The following ATAD3C variants were observed in gnomAD, a reference collection of about 807,000 sequenced individuals.
ATAD3C encodes ATPase family AAA domain-containing protein 3C.
A neutral mutation model predicts 46.3 loss-of-function variants in ATAD3C; 38 were observed. That is an observed-to-expected ratio of 0.82 (90% CI 0.63 to 1.08). The LOEUF (loss-of-function observed/expected upper bound fraction) is 1.08. Ranked by LOEUF, ATAD3C falls within the 50% of genes least tolerant of loss-of-function variation. ATAD3C has a pLI of 0.00. For missense variants in ATAD3C, 563 were observed against 572.7 expected, an observed-to-expected ratio of 0.98 and a Z score of 0.17; for synonymous variants, 220 against 236.4, an observed-to-expected ratio of 0.93 and a Z score of 0.63.
chr1:1,467,296 C>T (rs369639348), intron 11 of ATAD3C, among the ~76,000 whole-genome samples: 1 of 152,224 alleles, frequency 6.6e-6, no homozygotes. Flanking sequence ...AGGGTCCCTG[C>T]ACCTGTTTGC....
chr1:1,469,965 G>C lies in ATAD3C; in HGVS notation c.*1435G>C, dbSNP rs1300031141. ...TGCAATCTCCCCCACCCTTAAGAAG[G>C]TTCTTTGTCATTCTCCCCACCCTTG... On this transcript the variant is annotated 3_prime_UTR_variant, in exon 12 of 12. Transcript: ENST00000378785. 6.6e-6 allele frequency: 1 copy of C among 151,802 alleles called. No homozygotes were observed. Among genetic ancestry groups the C allele is most frequent in the Non-Finnish European group, 1.5e-5 (1 of 67,928 alleles). The allele number at this position is 151,802 out of a possible 1,614,324, so 9.4% of individuals were successfully genotyped here. A position where few individuals can be genotyped will look rare whatever the true frequency, so the allele number is the denominator to read the frequency against.
intron 3 of ATAD3C, among the ~76,000 whole-genome samples, chr1:1,453,938 G>A (rs530698944): frequency 2.0e-5 from 3 of 152,140 alleles, no homozygotes; most frequent in East Asian, 3.9e-4. Flanking sequence ...ACTGTGCCCA[G>A]CCGGCCTAAT....
chr1:1,461,040 C>T (rs764134949), intron 10 of ATAD3C, 123 bp downstream of exon 10: 14 of 1,268,510 alleles, frequency 1.1e-5, no homozygotes, highest in African/African-American at 9.2e-5. Flanking sequence ...CCCTGCCCTG[C>T]GGTTTCGTGC....
intron 10 of ATAD3C, among the ~76,000 whole-genome samples, chr1:1,461,290 C>T (rs907669423): frequency 5.9e-5 from 9 of 152,126 alleles, no homozygotes; most frequent in Admixed American, 5.2e-4. Flanking sequence ...TGGATTCACG[C>T]GATTCTCCTG....
At chr1:1,457,223 G>A (rs1248505632) in intron 8 of ATAD3C, 43 bp downstream of exon 8, 2 of 1,612,438 alleles carry the variant, frequency 1.2e-6, no homozygotes, top group African/African-American at 1.3e-5. Context: ...GAGGGTGGTG[G>A]GGTGTGTGCG....
intron 1 of ATAD3C, among the ~76,000 whole-genome samples, chr1:1,451,833 G>T (rs3899060): frequency 8.9e-4 from 135 of 152,104 alleles, no homozygotes; most frequent in African/African-American, 3.0e-3. Flanking sequence ...TGTTTCTGCC[G>T]CTGGGGAGTT....
At chr1:1,451,758 A>C (rs1638862929) in intron 1 of ATAD3C, among the ~76,000 whole-genome samples, 1 of 152,036 alleles carries the variant, frequency 6.6e-6, no homozygotes, top group African/African-American at 2.4e-5. Flanking sequence ...CCCAGCCTGA[A>C]TCAGGGCAGT....
In ATAD3C at chr1:1,455,895, C is replaced by G. The variant is rs549192663; in HGVS notation, c.543C>G (p.Thr181=). The change falls in exon 6 of 12, where the codon ACC becomes ACG. Residue 181 remains threonine (T), a synonymous_variant. Transcript: ENST00000378785. Reference sequence around the variant, plus strand: ...TCCTGCTGTACGGGCCACCAGGCACCGGGAAGACGCTGTTTGCCAAGGTGA... The same window carrying G: ...TCCTGCTGTACGGGCCACCAGGCACGGGGAAGACGCTGTTTGCCAAGGTGA... The part of the protein sequence containing the change: ...RHILLYGPPG[T]GKTLFAKKLA... 9.3e-6 allele frequency: 15 copies of G among 1,613,254 alleles called. No homozygotes were observed. The Admixed American group carries it at 2.5e-4, about 27-fold the overall frequency.
chr1:1,468,314 G>A lies in ATAD3C; in HGVS notation c.1090-70G>A. On this transcript the variant is annotated intron_variant, in intron 11 of 11. Coordinates refer to ENST00000378785, the MANE Select transcript of ATAD3C (RefSeq NM_001039211.3). ...CCTGGTTTGGTCCCTCCCCACCTCA[G>A]GGCCCTGGCGTGCATTTGGGGTGGG... The A allele has an allele frequency of 2.6e-6, 4 of 1,542,812 alleles. No homozygotes were observed. The South Asian group carries it at 4.9e-5, about 19-fold the overall frequency.
Position 1,462,691 on chromosome 1 carries a change from C to G in ATAD3C, c.1072C>G (p.Leu358Val), listed in dbSNP as rs1639089027. Residue 358 changes from leucine to valine, a missense_variant, in exon 11 of 12, where the codon CTG becomes GTG. Leu to Val is a conservative substitution (Grantham distance 32). Around this residue, in one of 3 missense-constraint regions of ATAD3C, gnomAD observed 273 missense variants for 253.5 expected, o/e 1.08. Transcript: ENST00000378785. The surrounding 1 kb of genome is among the most constrained non-coding windows in gnomAD (Gnocchi z 4.5). ...EGMSCRKIAQ[L>V]AVSWQATAYA... ...CATGTCATGCCGGAAGATCGCACAG[C>G]TGGCCGTGTCCTGGCAGGTGAGTCA... is the stretch of plus-strand genomic sequence containing the variant. 5.6e-6 allele frequency: 9 copies of G among 1,603,982 alleles called. 1 individual carries two copies. The East Asian group carries it at 2.0e-4, about 36-fold the overall frequency.
rs184461991 is a variant in ATAD3C at position 1,465,469 on chromosome 1, T to C, written c.1089+2761T>C. Among the ~76,000 whole-genome samples, 760 of 150,964 alleles carry C rather than the reference T, an allele frequency of 5.0e-3. 9 individuals are homozygous for C. Among genetic ancestry groups the C allele is most frequent in the African/African-American group, 0.017 (703 of 41,222 alleles). On this transcript the variant is annotated intron_variant, in intron 11 of 11. Coordinates refer to ENST00000378785, the MANE Select transcript of ATAD3C (RefSeq NM_001039211.3). ...AGCCGGGCGTGGCGGCAGGTGCCTG[T>C]AGTCCCAGCTACTCGGGAGGCTGAG... is the stretch of plus-strand genomic sequence containing the variant.
At chr1:1,466,228 G>A (rs568568372) in intron 11 of ATAD3C, among the ~76,000 whole-genome samples, 1 of 135,786 alleles carries the variant, frequency 7.4e-6, no homozygotes, top group South Asian at 2.3e-4. Flanking sequence ...GGCAAGAAGA[G>A]CAAACTTCTG....
chr1:1,458,892 T>C (rs1639010747), intron 8 of ATAD3C, among the ~76,000 whole-genome samples: 1 of 151,754 alleles, frequency 6.6e-6, no homozygotes, highest in African/African-American at 2.4e-5. Flanking sequence ...GGCTAATTTT[T>C]GTATTTTTAG....
intron 8 of ATAD3C, among the ~76,000 whole-genome samples, chr1:1,458,950 A>G (rs1357558802): frequency 1.3e-5 from 2 of 151,166 alleles, no homozygotes; most frequent in Admixed American, 1.3e-4. Context: ...CAAACTCCCA[A>G]CCTCGTGTGA....
rs553816421 is a variant in ATAD3C at position 1,457,801 on chromosome 1, C to T, written c.741+621C>T. On this transcript the variant is annotated intron_variant, in intron 8 of 11. Transcript: ENST00000378785. ...CAAGCGATTCTCCTGCTTCATCCTCCCAAGTAGCTGGGATTATAGGCATCC... is the reference window on the plus strand; with the variant it reads ...CAAGCGATTCTCCTGCTTCATCCTCTCAAGTAGCTGGGATTATAGGCATCC... Among the ~76,000 whole-genome samples the T allele has an allele frequency of 4.0e-5, 6 of 151,340 alleles. No homozygotes were observed. The East Asian group carries it at 1.2e-3, about 30-fold the overall frequency.
intron 11 of ATAD3C, among the ~76,000 whole-genome samples, chr1:1,466,469 C>T (rs945279483): frequency 7.1e-5 from 10 of 140,074 alleles, no homozygotes; most frequent in African/African-American, 2.4e-4. Context: ...AAGAGAATGG[C>T]GTGAACCCGG....
chr1:1,468,317 C>T (rs1639177592), intron 11 of ATAD3C, 67 bp from the exon 12 acceptor site: 15 of 1,551,680 alleles, frequency 9.7e-6, no homozygotes, highest in Non-Finnish European at 1.2e-5. Flanking sequence ...CACCTCAGGG[C>T]CCTGGCGTGC....
At chr1:1,457,017 G>A (rs1043464633) in intron 7 of ATAD3C, 112 bp from the exon 8 acceptor site, 11 of 1,454,570 alleles carry the variant, frequency 7.6e-6, no homozygotes, top group African/African-American at 5.6e-5. Flanking sequence ...GTGGGGCAGA[G>A]CCTGACCCCG....
chr1:1,460,941 C>A (rs761951419), intron 10 of ATAD3C, 24 bp downstream of exon 10: 2 of 1,588,364 alleles, frequency 1.3e-6, no homozygotes, highest in Non-Finnish European at 1.7e-6. Flanking sequence ...CCCACCAGCC[C>A]CCGTCCAGGG....
Sources: allele counts gnomAD v4.1 joint callset (sites outside exome capture counted in the v4.1 genomes callset), GRCh38; gene constraint gnomAD v4.1.1; regional missense constraint gnomAD v4.1.1; non-coding constraint Gnocchi (gnomAD v3.1); transcripts MANE v1.5; gene names NCBI Gene and HGNC (gene_info 2026-07-23, HGNC 2026-07-21).